SLC2A9: variants seen among roughly 807,000 people sequenced by gnomAD.
The protein encoded by SLC2A9 is solute carrier family 2, facilitated glucose transporter member 9.
SLC2A9 carries 39 observed loss-of-function variants against 50.6 expected under a neutral mutation model. The ratio of observed to expected loss-of-function variants is 0.77; its 90% CI spans 0.60 to 1.01. SLC2A9 has a LOEUF of 1.01. Among genes scored for constraint, SLC2A9 ranks in the 50% least tolerant of loss-of-function variants. The pLI is 0.00. For synonymous variants in SLC2A9, 324 were observed against 276.9 expected, an observed-to-expected ratio of 1.17 and a Z score of -1.69; for missense variants, 686 against 677.6, an observed-to-expected ratio of 1.01 and a Z score of -0.14.
intron 3 of SLC2A9, among the ~76,000 whole-genome samples, chr4:9,819,110 C>T (rs1482512949): frequency 9.1e-6 from 1 of 109,624 alleles, no homozygotes; most frequent in Non-Finnish European, 1.7e-5. Flanking sequence ...CAGAGCGAGA[C>T]TGTCTCAAAA....
intron 10 of SLC2A9, among the ~76,000 whole-genome samples, chr4:9,848,515 G>T (rs867266390): frequency 2.6e-5 from 4 of 151,990 alleles, no homozygotes; most frequent in Non-Finnish European, 5.9e-5. Flanking sequence ...CATCATCTTT[G>T]CATTTATCTT....
chr4:9,879,903 C>A, intron 10 of SLC2A9: 1 of 985,412 alleles, frequency 1.0e-6, no homozygotes, highest in Middle Eastern at 5.2e-4. Flanking sequence ...CAGGAAACTG[C>A]CTCTCTTGTT....
intron 3 of SLC2A9, chr4:9,782,833 C>T (rs73805846): frequency 9.9e-6 from 16 of 1,613,080 alleles, no homozygotes; most frequent in Non-Finnish European, 1.3e-5. Context: ...CCGCAGAGCA[C>T]GCGCAGAGCT....
At chr4:9,840,120 C>T (rs1727808502) in intron 10 of SLC2A9, among the ~76,000 whole-genome samples, 1 of 152,170 alleles carries the variant, frequency 6.6e-6, no homozygotes, top group African/African-American at 2.4e-5. Context: ...GAGCACATCA[C>T]CAGTAAGCTG....
intron 10 of SLC2A9, among the ~76,000 whole-genome samples, chr4:9,845,423 A>ATTTTTTT (rs1183351674): frequency 3.1e-5 from 4 of 130,828 alleles, no homozygotes; most frequent in African/African-American, 1.3e-4. Flanking sequence ...ACGATCATCA[A>ATTTTTTT]TTTCTTTTTT....
At chr4:9,790,455 C>T (rs1025409831) in intron 3 of SLC2A9, among the ~76,000 whole-genome samples, 1 of 152,142 alleles carries the variant, frequency 6.6e-6, no homozygotes, top group African/African-American at 2.4e-5. Flanking sequence ...CTTGTAGGGG[C>T]TAACACATAT....
chr4:9,775,388 A>T (rs989049365), downstream of SLC2A9, among the ~76,000 whole-genome samples: 7 of 152,290 alleles, frequency 4.6e-5, no homozygotes, highest in Middle Eastern at 6.8e-3. Context: ...CCAGGAGACC[A>T]GCCCAGAAGC....
In SLC2A9 at chr4:9,870,585, T is replaced by C. The variant is rs553383316; in HGVS notation, c.1291+16982A>G. 3.4e-4 allele frequency among the ~76,000 whole-genome samples: 52 copies of C among 152,330 alleles called. 1 individual carries two copies. The South Asian group carries it at 1.0e-2, about 29-fold the overall frequency. ...TCTGGAGGGTTTTGGCAAAAAATCATAAGGAACACTGCCACGTTTTCGCAT... is the reference window on the plus strand; with the variant it reads ...TCTGGAGGGTTTTGGCAAAAAATCACAAGGAACACTGCCACGTTTTCGCAT... On this transcript the variant is annotated intron_variant, in intron 10 of 11. Transcript: ENST00000264784.
At chr4:9,889,405 T>TTC (rs1177235473) in intron 9 of SLC2A9, among the ~76,000 whole-genome samples, 4 of 152,142 alleles carry the variant, frequency 2.6e-5, no homozygotes, top group Non-Finnish European at 5.9e-5. Flanking sequence ...CCTTTTAAAC[T>TTC]TCGGACACAA....
chr4:9,882,711 G>GAAA (rs11355082), intron 10 of SLC2A9, among the ~76,000 whole-genome samples: 6 of 118,932 alleles, frequency 5.0e-5, no homozygotes, highest in African/African-American at 7.0e-5. Context: ...TCTGTCTCAA[G>GAAA]AAAAAAAAAA....
intron 11 of SLC2A9, among the ~76,000 whole-genome samples, chr4:9,828,258 T>C (rs144652081): frequency 1.9e-4 from 29 of 152,344 alleles, no homozygotes; most frequent in Admixed American, 4.6e-4. Flanking sequence ...GGGTTTGTCA[T>C]CACTTCTATT....
chr4:9,943,435 G>T (rs1308039018), intron 5 of SLC2A9, among the ~76,000 whole-genome samples: 1 of 152,212 alleles, frequency 6.6e-6, no homozygotes, highest in East Asian at 1.9e-4. Context: ...CCAGTTTCAG[G>T]AGGAGCTCTC....
At chr4:9,898,889 AGAG>A (rs1739072220) in intron 8 of SLC2A9, among the ~76,000 whole-genome samples, 1 of 152,216 alleles carries the variant, frequency 6.6e-6, no homozygotes, top group African/African-American at 2.4e-5. Flanking sequence ...AGGCTTTACT[AGAG>A]CCGTACTCCG....
At chr4:9,833,747 T>C (rs893763779) in intron 11 of SLC2A9, among the ~76,000 whole-genome samples, 1 of 152,038 alleles carries the variant, frequency 6.6e-6, no homozygotes, top group Non-Finnish European at 1.5e-5. Flanking sequence ...GTGTCCAGAA[T>C]AGTTGGTGAG....
intron 11 of SLC2A9, among the ~76,000 whole-genome samples, chr4:9,827,684 T>C (rs1560159444): frequency 6.6e-6 from 1 of 152,192 alleles, no homozygotes; most frequent in Non-Finnish European, 1.5e-5. Flanking sequence ...GGTTGTTGTA[T>C]GAATTAAATG....
upstream of SLC2A9, chr4:10,021,594 C>A: frequency 1.0e-6 from 1 of 1,001,088 alleles, no homozygotes; most frequent in Non-Finnish European, 1.5e-6. Context: ...ACATTTTTTT[C>A]TCTGCTCCTA....
At chr4:9,985,553 C>A (rs1756562451) in intron 4 of SLC2A9, 116 bp downstream of exon 4, 2 of 1,418,776 alleles carry the variant, frequency 1.4e-6, no homozygotes, top group African/African-American at 1.4e-5. Context: ...TTGGTCCCTG[C>A]CAAGTCAATG....
intron 3 of SLC2A9, among the ~76,000 whole-genome samples, chr4:9,818,207 G>T (rs1167032941): frequency 6.7e-6 from 1 of 149,362 alleles, no homozygotes; most frequent in South Asian, 2.1e-4. Flanking sequence ...CTGACACGCT[G>T]TATGGGGCCA....
At chr4:9,777,300 T>C (rs1406478287), downstream of SLC2A9, among the ~76,000 whole-genome samples, 1 of 145,908 alleles carries the variant, frequency 6.9e-6, no homozygotes, top group Non-Finnish European at 1.5e-5. Flanking sequence ...TCTGTTTCTT[T>C]TTTTTTTTTT....
Sources: gnomAD v4.1 joint callset for allele counts (sites outside exome capture counted in the v4.1 genomes callset) on GRCh38, gnomAD v4.1.1 for gene constraint, MANE v1.5 for transcripts, NCBI Gene and HGNC (gene_info 2026-07-23, HGNC 2026-07-21) for gene names.